IFIT5: variants seen among roughly 807,000 people sequenced by gnomAD.
IFIT5 encodes interferon-induced protein with tetratricopeptide repeats 5.
A neutral mutation model predicts 5.0 loss-of-function variants in IFIT5; 2 were observed. That is an observed-to-expected ratio of 0.40 (90% CI 0.16 to 1.26). The LOEUF is 1.26. IFIT5 is among the 50% of genes most tolerant of loss of function. The pLI, the probability that IFIT5 is intolerant of heterozygous loss-of-function variation, is 0.33. For missense variants in IFIT5, 524 were observed against 563.2 expected (o/e 0.93, Z 0.70); for synonymous variants, 206 against 204.6 (o/e 1.01, Z -0.06).
chr10:89,420,801 T>A lies in IFIT5; in HGVS notation c.*2153T>A, dbSNP rs1240294814. The A allele has an allele frequency of 6.6e-6, 1 of 152,180 alleles. No homozygotes were observed. The highest frequency in any genetic ancestry group is 2.4e-5 in the African/African-American group (1 of 41,432). The allele number at this position is 152,180 out of a possible 1,614,324, so 9.4% of individuals were successfully genotyped here. ...AGTCCAGGCATCATGATTTTTAGAT[T>A]TCCCAGTTGGAACTTGTGCAGCAAA... On this transcript the variant is annotated 3_prime_UTR_variant, in exon 2 of 2. Coordinates refer to ENST00000371795, the MANE Select transcript of IFIT5 (RefSeq NM_012420.3).
intron 1 of IFIT5, among the ~76,000 whole-genome samples, chr10:89,416,751 G>C (rs1272271396): frequency 1.3e-5 from 2 of 152,222 alleles, no homozygotes; most frequent in Non-Finnish European, 2.9e-5. Flanking sequence ...TAAGCAGGCT[G>C]TAAGGACATG....
chr10:89,414,674 G>T lies in IFIT5; in HGVS notation c.-125G>T. 3 of 1,166,188 alleles carry T rather than the reference G, an allele frequency of 2.6e-6. No homozygotes were observed. Among genetic ancestry groups the T allele is most frequent in the Non-Finnish European group, 3.5e-6 (3 of 866,394 alleles). The allele number at this position is 1,166,188 out of a possible 1,614,324, so 72.2% of individuals were successfully genotyped here. On this transcript the variant is annotated 5_prime_UTR_variant, in exon 1 of 2. Coordinates refer to ENST00000371795, the MANE Select transcript of IFIT5 (RefSeq NM_012420.3). ...CGCCGCGCGGCCGAGTCCAGGGGCT[G>T]CAGAGGCCTGGCGCGCGCACGCGCA...
chr10:89,418,332 T>C lies in IFIT5; in HGVS notation c.1133T>C (p.Ile378Thr), dbSNP rs1841563984. ...ATAACCGATGATCACAAACATCAGA[T>C]CCATTACCACTATGGCCGCTTTCAG... The part of the protein sequence containing the change: ...ENITDDHKHQ[I>T]HYHYGRFQEF... Residue 378 changes from isoleucine (I) to threonine (T), a missense_variant, in exon 2 of 2, where the codon ATC (isoleucine) becomes ACC (threonine). Transcript: ENST00000371795. 1 of 1,614,178 alleles carries C rather than the reference T, an allele frequency of 6.2e-7. No individual in the cohort carries two copies. Among genetic ancestry groups the C allele is most frequent in the Non-Finnish European group, 8.5e-7 (1 of 1,180,030 alleles).
intron 1 of IFIT5, among the ~76,000 whole-genome samples, chr10:89,416,442 T>C (rs1589648104): frequency 1.3e-5 from 2 of 152,248 alleles, no homozygotes; most frequent in African/African-American, 4.8e-5. Flanking sequence ...TACCGAAAGA[T>C]ACGTGTTACC....
rs752523574 is a variant in IFIT5 at position 89,417,769 on chromosome 10, T to C, written c.570T>C (p.Ser190=). 1.2e-6 allele frequency: 2 copies of C among 1,614,184 alleles called. No individual in the cohort carries two copies. The highest frequency in any genetic ancestry group is 3.3e-5 in the Admixed American group (2 of 60,028). ...YAITVYRLDD[S]DREGSVKSFS... is the part of the protein sequence containing the mutation. ...TCACAGTGTATCGGCTGGATGATTC[T>C]GATAGAGAAGGGTCTGTAAAGAGCT... Residue 190 remains serine, a synonymous_variant, in exon 2 of 2, where the codon TCT becomes TCC. Transcript: ENST00000371795.
Position 89,417,624 on chromosome 10 carries a change from G to A in IFIT5, c.425G>A (p.Cys142Tyr), listed in dbSNP as rs750503240. 6 of 1,614,126 alleles carry A rather than the reference G, an allele frequency of 3.7e-6. No homozygotes were observed. The South Asian group carries it at 4.4e-5, about 12-fold the overall frequency. Residue 142 changes from cysteine (C) to tyrosine (Y), a missense_variant, in exon 2 of 2, where the codon TGT becomes TAT. By Grantham distance (194) the Cys-to-Tyr change is radical (BLOSUM62 -2). Coordinates refer to ENST00000371795, the MANE Select transcript of IFIT5 (RefSeq NM_012420.3). ...NYKLECPETD[C>Y]EKGWALLKFG... ...AAGTTGGAGTGTCCTGAGACTGACT[G>A]TGAGAAAGGCTGGGCACTCTTGAAA...
chr10:89,418,503 TGCAG>T lies in IFIT5; in HGVS notation c.1305_1308del (p.Gln436ValfsTer2), dbSNP rs1369871748. 1 of 1,614,184 alleles carries T rather than the reference TGCAG, an allele frequency of 6.2e-7. No individual in the cohort carries two copies. Among genetic ancestry groups the T allele is most frequent in the South Asian group, 1.1e-5 (1 of 91,088 alleles). ...AGACTTTGTCACAATGCTTTAGATGTGCAGAGTTTAAGTGCCCTAGGGTTTGTTT... is the reference window on the plus strand; with the variant it reads ...AGACTTTGTCACAATGCTTTAGATGTAGTTTAAGTGCCCTAGGGTTTGTTT... On this transcript the variant is annotated frameshift_variant, in exon 2 of 2. Coordinates refer to ENST00000371795, the MANE Select transcript of IFIT5 (RefSeq NM_012420.3). LOFTEE classifies it high-confidence loss of function.
Position 89,417,826 on chromosome 10 carries a change from C to T in IFIT5, c.627C>T (p.Thr209=), listed in dbSNP as rs1374606472. ...FSLGPLRKAV[T]LNPDNSYIKV... ...TGGGGCCTTTGAGAAAGGCTGTTAC[C>T]CTGAACCCAGATAACAGCTATATTA... Residue 209 remains threonine (T), a synonymous_variant, in exon 2 of 2, where the codon ACC becomes ACT. Coordinates refer to ENST00000371795, the MANE Select transcript of IFIT5 (RefSeq NM_012420.3). 1 of 1,614,098 alleles carries T rather than the reference C, an allele frequency of 6.2e-7. No homozygotes were observed. Among genetic ancestry groups the T allele is most frequent in the South Asian group, 1.1e-5 (1 of 91,084 alleles).
chr10:89,417,118 AGTT>A (rs1841545337), intron 1 of IFIT5, 84 bp from the exon 2 acceptor site: 4 of 1,120,680 alleles, frequency 3.6e-6, no homozygotes, highest in Non-Finnish European at 3.7e-6. Flanking sequence ...GGATAAAATT[AGTT>A]GTTATGCAAA....
At position 89,416,303 on chromosome 10, in the gene IFIT5, C is replaced by A. The variant is rs114061006; in HGVS notation, c.6-902C>A. Among the ~76,000 whole-genome samples, 709 of 141,328 alleles carry A rather than the reference C, an allele frequency of 5.0e-3. 3 individuals carry two copies. Among genetic ancestry groups the A allele is most frequent in the African/African-American group, 0.016 (602 of 37,438 alleles). 92.7% of individuals were successfully genotyped at this position (141,328 alleles called of 152,430 possible). ...AACAACAACAAAACAACAACAACAA[C>A]AAAAAACAGAAAAAGACGGTGGCGT... On this transcript the variant is annotated intron_variant, in intron 1 of 1. Transcript: ENST00000371795.
intron 1 of IFIT5, 124 bp downstream of exon 1, chr10:89,414,927 G>A: frequency 7.8e-7 from 1 of 1,279,754 alleles, no homozygotes; most frequent in Non-Finnish European, 1.1e-6. Context: ...CTCGCGCCCA[G>A]CAACCGGGCA....
chr10:89,417,640 A>G lies in IFIT5; in HGVS notation c.441A>G (p.Ala147=), dbSNP rs1841553748. ...AGACTGACTGTGAGAAAGGCTGGGCACTCTTGAAATTTGGAGGAAAGTATT... is the reference window on the plus strand; with the variant it reads ...AGACTGACTGTGAGAAAGGCTGGGCGCTCTTGAAATTTGGAGGAAAGTATT... The part of the protein sequence containing the change: ...CPETDCEKGW[A]LLKFGGKYYQ... The change falls in exon 2 of 2, where the codon GCA becomes GCG. Residue 147 remains alanine (A), a synonymous_variant. Coordinates refer to ENST00000371795, the MANE Select transcript of IFIT5 (RefSeq NM_012420.3). 9.3e-6 allele frequency: 15 copies of G among 1,614,170 alleles called. No homozygotes were observed. Among genetic ancestry groups the G allele is most frequent in the Non-Finnish European group, 1.3e-5 (15 of 1,180,026 alleles).
Position 89,417,759 on chromosome 10 carries a change from T to C in IFIT5, c.560T>C (p.Leu187Pro), listed in dbSNP as rs751695251. ...GGCTATGCTATCACAGTGTATCGGCTGGATGATTCTGATAGAGAAGGGTCT... is the reference window on the plus strand; with the variant it reads ...GGCTATGCTATCACAGTGTATCGGCCGGATGATTCTGATAGAGAAGGGTCT... The part of the protein sequence containing the change: ...NIGYAITVYR[L>P]DDSDREGSVK... The change falls in exon 2 of 2, where the codon CTG becomes CCG. Residue 187 changes from leucine (L) to proline (P), a missense_variant. Physicochemically the swap from Leu to Pro is moderately conservative, Grantham distance 98. Coordinates refer to ENST00000371795, the MANE Select transcript of IFIT5 (RefSeq NM_012420.3). 13 of 1,614,112 alleles carry C rather than the reference T, an allele frequency of 8.1e-6. No individual in the cohort carries two copies. In the East Asian group the frequency reaches 2.7e-4, roughly 33 times the overall value.
Position 89,417,967 on chromosome 10 carries a change from C to G in IFIT5, c.768C>G (p.Ala256=). ...SSQPYVLRYA[A]KFYRRKNSWN... is the part of the protein sequence containing the mutation. The stretch of plus-strand genomic sequence containing the variant: ...AGCCTTACGTCCTTCGTTATGCAGC[C>G]AAGTTCTATAGGAGAAAAAATTCCT... The change falls in exon 2 of 2, where the codon GCC becomes GCG. Residue 256 remains alanine, a synonymous_variant. Transcript: ENST00000371795. The G allele has an allele frequency of 6.2e-7, 1 of 1,614,126 alleles. No individual in the cohort carries two copies. Among genetic ancestry groups the G allele is most frequent in the Non-Finnish European group, 8.5e-7 (1 of 1,180,016 alleles).
At position 89,417,335 on chromosome 10, in the gene IFIT5, A is replaced by G; in HGVS notation, c.136A>G (p.Thr46Ala). The change falls in exon 2 of 2, where the codon ACC becomes GCC. Residue 46 changes from threonine (T) to alanine (A), a missense_variant. Coordinates refer to ENST00000371795, the MANE Select transcript of IFIT5 (RefSeq NM_012420.3). ...DTIGQQLEFL[T>A]TKSRLALYNL... The stretch of plus-strand genomic sequence containing the variant: ...AATTGGGCAACAGCTTGAATTTCTT[A>G]CCACAAAATCTAGACTTGCTCTTTA... 2 of 1,614,180 alleles carry G rather than the reference A, an allele frequency of 1.2e-6. No individual in the cohort carries two copies. Among genetic ancestry groups the G allele is most frequent in the Non-Finnish European group, 1.7e-6 (2 of 1,180,026 alleles).
Position 89,418,742 on chromosome 10 carries a change from T to A in IFIT5, c.*94T>A. 8.1e-7 allele frequency: 1 copy of A among 1,235,468 alleles called. No individual in the cohort carries two copies. Among genetic ancestry groups the A allele is most frequent in the Non-Finnish European group, 1.1e-6 (1 of 889,400 alleles). The allele number at this position is 1,235,468 out of a possible 1,614,324, so 76.5% of individuals were successfully genotyped here. On this transcript the variant is annotated 3_prime_UTR_variant, in exon 2 of 2. Transcript: ENST00000371795. Reference sequence around the variant, plus strand: ...TATTATTTTAATCCCTTGTTTATTATAGAGCTAATATTTATTGAATAGTTA... The same window carrying A: ...TATTATTTTAATCCCTTGTTTATTAAAGAGCTAATATTTATTGAATAGTTA...
At position 89,418,707 on chromosome 10, in the gene IFIT5, G is replaced by A. The variant is rs1023935431; in HGVS notation, c.*59G>A. ...CCCTTCATTTTGGGTTCTCCTGTTT[G>A]TTTTTTTTTTATTATTTTAATCCCT... On this transcript the variant is annotated 3_prime_UTR_variant, in exon 2 of 2. Coordinates refer to ENST00000371795, the MANE Select transcript of IFIT5 (RefSeq NM_012420.3). 17 of 1,335,450 alleles carry A rather than the reference G, an allele frequency of 1.3e-5. No homozygotes were observed. Among genetic ancestry groups the A allele is most frequent in the Non-Finnish European group, 1.7e-5 (17 of 995,416 alleles). 82.7% of individuals were successfully genotyped at this position (1,335,450 alleles called of 1,614,324 possible).
At position 89,420,612 on chromosome 10, in the gene IFIT5, C is replaced by T. The variant is rs2133657446; in HGVS notation, c.*1964C>T. The T allele has an allele frequency of 6.6e-6, 1 of 152,334 alleles. No homozygotes were observed. Among genetic ancestry groups the T allele is most frequent in the South Asian group, 2.1e-4 (1 of 4,828 alleles). The allele number at this position is 152,334 out of a possible 1,614,324, so 9.4% of individuals were successfully genotyped here. A position where few individuals can be genotyped will look rare whatever the true frequency, so the allele number is the denominator to read the frequency against. ...ATTTCTGCACTTTAAACAAGCTCCTCCTAGGTGAGGATGCTGTGGCTGTTC... is the reference window on the plus strand; with the variant it reads ...ATTTCTGCACTTTAAACAAGCTCCTTCTAGGTGAGGATGCTGTGGCTGTTC... On this transcript the variant is annotated 3_prime_UTR_variant, in exon 2 of 2. Transcript: ENST00000371795.
rs304448 is a variant in IFIT5 at position 89,418,243 on chromosome 10, C to T, written c.1044C>T (p.Tyr348=). 0.52 allele frequency: 844,004 copies of T among 1,613,696 alleles called. 225,551 individuals are homozygous for T. The highest frequency in any genetic ancestry group is 0.82 in the East Asian group (36,743 of 44,878). The change falls in exon 2 of 2, where the codon TAC becomes TAT. Residue 348 remains tyrosine, a synonymous_variant. Transcript: ENST00000371795. Reference sequence around the variant, plus strand: ...CCTACACAGACCTGGCCAACATGTACGCTGAAGGAGGCCAGTATAGCAATG... The same window carrying T: ...CCTACACAGACCTGGCCAACATGTATGCTGAAGGAGGCCAGTATAGCAATG... ...AFAYTDLANM[Y]AEGGQYSNAE... is the part of the protein sequence containing the mutation.
Sources: allele counts gnomAD v4.1 joint callset (sites outside exome capture counted in the v4.1 genomes callset), GRCh38; gene constraint gnomAD v4.1.1; transcripts MANE v1.5; gene names NCBI Gene and HGNC (gene_info 2026-07-23, HGNC 2026-07-21).